STK10: variants seen among roughly 807,000 people sequenced by gnomAD.
STK10 encodes the protein serine/threonine-protein kinase 10.
In STK10, 78 loss-of-function variants were observed where a neutral mutation model predicts 113.8. The ratio of observed to expected loss-of-function variants is 0.69; its 90% CI spans 0.57 to 0.83. The LOEUF (loss-of-function observed/expected upper bound fraction) is 0.83. Ranked by LOEUF, STK10 falls within the 40% of genes least tolerant of loss-of-function variation. The pLI, the probability that STK10 is intolerant of heterozygous loss-of-function variation, is 0.00. For missense variants in STK10, 1,109 were observed against 1,280.1 expected (o/e 0.87, Z 2.04); for synonymous variants, 465 against 494.7 (o/e 0.94, Z 0.80).
chr5:172,183,944 A>G (rs1770908119), intron 1 of STK10, among the ~76,000 whole-genome samples: 2 of 152,184 alleles, frequency 1.3e-5, no homozygotes, highest in South Asian at 2.1e-4. Context: ...AAGAGGTTTG[A>G]TATCTCGGAG....
At chr5:172,049,423 C>A (rs1161002006) in intron 18 of STK10, among the ~76,000 whole-genome samples, 1 of 151,998 alleles carries the variant, frequency 6.6e-6, no homozygotes, top group Non-Finnish European at 1.5e-5. Context: ...GTAGAGAATT[C>A]CTGGCAAGGG....
At chr5:172,087,155 G>GC (rs1175674830) in intron 10 of STK10, among the ~76,000 whole-genome samples, 2 of 108,206 alleles carry the variant, frequency 1.8e-5, no homozygotes, top group African/African-American at 7.8e-5. Context: ...TGTGTGTGTG[G>GC]TGTATGCAGA....
At chr5:172,126,757 G>A (rs1231114361) in intron 3 of STK10, among the ~76,000 whole-genome samples, 3 of 152,194 alleles carry the variant, frequency 2.0e-5, no homozygotes, top group East Asian at 1.9e-4. Flanking sequence ...ACCTGACACT[G>A]TCCCCACAGA....
chr5:172,187,482 C>CTG lies in STK10; in HGVS notation c.156+403_156+404dup, dbSNP rs140021765. On this transcript the variant is annotated intron_variant, in intron 1 of 18. Coordinates refer to ENST00000176763, the MANE Select transcript of STK10 (RefSeq NM_005990.4). This position sits in a 1 kb window ranked among gnomAD's most constrained non-coding sequence, Gnocchi z 4.6. Reference sequence around the variant, plus strand: ...CATCGCCTCGATATTCCCACAGCATCTGTGGTCTCTCTTAAAAAAAAAAGT... The same window carrying CTG: ...CATCGCCTCGATATTCCCACAGCATCTGTGTGGTCTCTCTTAAAAAAAAAAGT... 0.019 allele frequency among the ~76,000 whole-genome samples: 2,941 copies of CTG among 152,208 alleles called. 87 individuals carry two copies. The highest frequency in any genetic ancestry group is 0.062 in the African/African-American group (2,576 of 41,510).
In STK10 at chr5:172,090,383, G is replaced by A. The variant is rs187595923; in HGVS notation, c.1555-21C>T. ...GGGTCCTGGCCAGGGAAAACCATTA[G>A]ACAAGTCTCAGCATTTCAGCTAAGG... On this transcript the variant is annotated intron_variant, in intron 9 of 18. Transcript: ENST00000176763. 1,023 of 1,611,632 alleles carry A rather than the reference G, an allele frequency of 6.3e-4. 9 individuals are homozygous for A. In the African/African-American group the frequency reaches 0.012, roughly 19 times the overall value.
chr5:172,085,257 A>C (rs1332004550), intron 10 of STK10, among the ~76,000 whole-genome samples: 1 of 151,936 alleles, frequency 6.6e-6, no homozygotes, highest in Non-Finnish European at 1.5e-5. Context: ...AAAAAAGAAA[A>C]AAAAATTGAC....
At position 172,156,754 on chromosome 5, in the gene STK10, G is replaced by C; in HGVS notation, c.191C>G (p.Ala64Gly). Residue 64 changes from alanine (A) to glycine (G), a missense_variant, in exon 2 of 19, where the codon GCC becomes GGC. By Grantham distance (60) the Ala-to-Gly change is moderately conservative. Coordinates refer to ENST00000176763, the MANE Select transcript of STK10 (RefSeq NM_005990.4). ...KNKETGALAA[A>G]KVIETKSEEE... Reference sequence around the variant, plus strand: ...CTCACTCTTGGTTTCAATGACTTTGGCCGCAGCCAAAGCACCCGTCTCCTT... The same window carrying C: ...CTCACTCTTGGTTTCAATGACTTTGCCCGCAGCCAAAGCACCCGTCTCCTT... 6.2e-7 allele frequency: 1 copy of C among 1,614,070 alleles called. No homozygotes were observed. Among genetic ancestry groups the C allele is most frequent in the African/African-American group, 1.3e-5 (1 of 75,050 alleles).
chr5:172,181,363 C>G (rs1770850731), intron 1 of STK10, among the ~76,000 whole-genome samples: 1 of 152,150 alleles, frequency 6.6e-6, no homozygotes, highest in African/African-American at 2.4e-5. Flanking sequence ...CATAAGGCCT[C>G]TGGTTTTTAC....
intron 2 of STK10, among the ~76,000 whole-genome samples, chr5:172,129,894 C>T (rs954750111): frequency 2.0e-5 from 3 of 152,318 alleles, no homozygotes; most frequent in South Asian, 2.1e-4. Context: ...GGCCTTGACA[C>T]GTGCCTGGCC....
At chr5:172,109,508 A>T (rs867216489) in intron 4 of STK10, among the ~76,000 whole-genome samples, 2 of 151,826 alleles carry the variant, frequency 1.3e-5, no homozygotes, top group Non-Finnish European at 2.9e-5. Flanking sequence ...TGGAGTCTCT[A>T]TGTTGCCCAG....
chr5:172,131,876 G>A (rs1481122387), intron 2 of STK10, among the ~76,000 whole-genome samples: 1 of 152,198 alleles, frequency 6.6e-6, no homozygotes, highest in Non-Finnish European at 1.5e-5. Context: ...GTAATGGGAG[G>A]TGTTTAGACC....
chr5:172,151,346 CT>C (rs1214755611), intron 2 of STK10, among the ~76,000 whole-genome samples: 177 of 144,936 alleles, frequency 1.2e-3, no homozygotes, highest in East Asian at 1.6e-3. Context: ...TTTTCTTTTT[CT>C]TTTTTTTTTT....
intron 16 of STK10, 117 bp downstream of exon 16, chr5:172,055,471 T>G: frequency 9.0e-7 from 1 of 1,109,368 alleles, no homozygotes; most frequent in East Asian, 3.2e-5. Flanking sequence ...ATTACAGACG[T>G]GAGCCAGCCT....
intron 3 of STK10, among the ~76,000 whole-genome samples, chr5:172,119,316 G>A (rs577948475): frequency 6.6e-6 from 1 of 152,302 alleles, no homozygotes; most frequent in East Asian, 1.9e-4. Context: ...TGGCTCTGCA[G>A]GACCTTCGGG....
At chr5:172,073,967 A>ATAATAC (rs1768255639) in intron 12 of STK10, among the ~76,000 whole-genome samples, 1 of 149,176 alleles carries the variant, frequency 6.7e-6, no homozygotes, top group African/African-American at 2.4e-5. Context: ...TCTGTCTCAA[A>ATAATAC]TAATAATAAT....
intron 2 of STK10, among the ~76,000 whole-genome samples, chr5:172,138,310 G>C (rs1728643208): frequency 6.6e-6 from 1 of 152,070 alleles, no homozygotes; most frequent in African/African-American, 2.4e-5. Flanking sequence ...TTTTAGTAGA[G>C]AGGGGGTTTC....
intron 3 of STK10, among the ~76,000 whole-genome samples, chr5:172,123,027 C>T (rs1029320607): frequency 3.3e-5 from 5 of 152,168 alleles, no homozygotes; most frequent in South Asian, 2.1e-4. Flanking sequence ...TGACATACCA[C>T]GTGGGTATTC....
chr5:172,098,194 A>G (rs149293096), intron 7 of STK10, among the ~76,000 whole-genome samples: 135 of 152,342 alleles, frequency 8.9e-4, no homozygotes, highest in African/African-American at 3.2e-3. Context: ...TTCAGAACGT[A>G]TATGTTCATC....
chr5:172,147,683 T>C (rs1011061957), intron 2 of STK10, among the ~76,000 whole-genome samples: 11 of 152,150 alleles, frequency 7.2e-5, no homozygotes, highest in East Asian at 1.9e-4. Context: ...TGAGCCACTG[T>C]GCCCAGCCTC....
Sources: allele counts gnomAD v4.1 joint callset (sites outside exome capture counted in the v4.1 genomes callset), GRCh38; gene constraint gnomAD v4.1.1; non-coding constraint Gnocchi (gnomAD v3.1); transcripts MANE v1.5; gene names NCBI Gene and HGNC (gene_info 2026-07-23, HGNC 2026-07-21).